Variants in NELL1 observed in about 807,000 individuals in gnomAD.
NELL1 encodes the protein neural EGFL like 1.
Under a neutral mutation model 107.4 loss-of-function variants are expected in NELL1, and 76 were observed. The ratio of observed to expected loss-of-function variants is 0.71; its 90% CI spans 0.59 to 0.86. NELL1 has a LOEUF of 0.86. Among genes scored for constraint, NELL1 ranks in the 40% least tolerant of loss-of-function variants. The probability of loss-of-function intolerance (pLI) is 0.00; values close to 1 mark genes in which losing one functional copy is unlikely to be tolerated. For synonymous variants in NELL1, 353 were observed against 341.2 expected, an observed-to-expected ratio of 1.03 and a Z score of -0.38; for missense variants, 1,024 against 1,005.5, an observed-to-expected ratio of 1.02 and a Z score of -0.25.
At chr11:21,364,826 G>A (rs1851179534) in intron 14 of NELL1, among the ~76,000 whole-genome samples, 1 of 152,148 alleles carries the variant, frequency 6.6e-6, no homozygotes, top group Non-Finnish European at 1.5e-5. Context: ...GAGATGAGAA[G>A]GTGAAGGGGA....
chr11:21,507,257 A>G (rs1055579663), intron 15 of NELL1, among the ~76,000 whole-genome samples: 1 of 152,206 alleles, frequency 6.6e-6, no homozygotes, highest in Non-Finnish European at 1.5e-5. Flanking sequence ...TCATATTAAG[A>G]AAATAATCTT....
intron 3 of NELL1, among the ~76,000 whole-genome samples, chr11:20,794,426 AG>A (rs942072157): frequency 6.6e-6 from 1 of 152,212 alleles, no homozygotes; most frequent in African/African-American, 2.4e-5. Context: ...CTTCATCTCC[AG>A]TTAGAGCTGC....
chr11:20,717,889 A>G (rs1369635052), intron 2 of NELL1, among the ~76,000 whole-genome samples: 3 of 152,222 alleles, frequency 2.0e-5, no homozygotes, highest in Non-Finnish European at 4.4e-5. Context: ...ATGCAAGTGC[A>G]TATGTTGGTG....
chr11:20,686,302 AG>A (rs1012913500), intron 2 of NELL1, among the ~76,000 whole-genome samples: 45 of 152,258 alleles, frequency 3.0e-4, no homozygotes, highest in African/African-American at 1.1e-3. Flanking sequence ...TTTTGGGGCT[AG>A]CCAGCTTTTG....
intron 3 of NELL1, among the ~76,000 whole-genome samples, chr11:20,815,278 C>G (rs187696184): frequency 2.4e-4 from 37 of 151,964 alleles, no homozygotes; most frequent in Admixed American, 1.6e-3. Flanking sequence ...TTAGTAGAGA[C>G]AGATTTGATG....
At chr11:21,485,121 G>C (rs1456592595) in intron 15 of NELL1, among the ~76,000 whole-genome samples, 1 of 152,084 alleles carries the variant, frequency 6.6e-6, no homozygotes. Context: ...ACAGCCTTGA[G>C]ACTAATATAG....
chr11:21,397,307 AT>A (rs1275326981), intron 15 of NELL1, among the ~76,000 whole-genome samples: 2 of 151,596 alleles, frequency 1.3e-5, no homozygotes, highest in Non-Finnish European at 3.0e-5. Context: ...TAGATTCATA[AT>A]TTTTTGGTAC....
chr11:20,806,701 A>G (rs969581881), intron 3 of NELL1, among the ~76,000 whole-genome samples: 1 of 151,926 alleles, frequency 6.6e-6, no homozygotes, highest in African/African-American at 2.4e-5. Flanking sequence ...TATTTTCTAG[A>G]TCTTGTAGGT....
chr11:21,465,331 C>A (rs1013657043), intron 15 of NELL1, among the ~76,000 whole-genome samples: 1 of 151,958 alleles, frequency 6.6e-6, no homozygotes, highest in African/African-American at 2.4e-5. Context: ...ACAAAGTCAC[C>A]CAATTAGTAA....
intron 3 of NELL1, among the ~76,000 whole-genome samples, chr11:20,800,325 A>G (rs1047117869): frequency 2.1e-4 from 32 of 152,224 alleles, no homozygotes; most frequent in African/African-American, 6.0e-4. Flanking sequence ...GCATATAGAC[A>G]TGTCCTTTTC....
intron 14 of NELL1, among the ~76,000 whole-genome samples, chr11:21,319,376 G>A (rs1044834102): frequency 2.7e-5 from 4 of 150,856 alleles, no homozygotes; most frequent in East Asian, 2.0e-4. Flanking sequence ...TTTCAGTACA[G>A]ACAGGTTTTC....
intron 14 of NELL1, among the ~76,000 whole-genome samples, chr11:21,329,228 T>A (rs542848023): frequency 6.6e-6 from 1 of 152,256 alleles, no homozygotes; most frequent in African/African-American, 2.4e-5. Context: ...GCAGTTACCC[T>A]CATGCTGTTC....
intron 12 of NELL1, among the ~76,000 whole-genome samples, chr11:21,080,489 C>G (rs993819974): frequency 3.3e-5 from 5 of 152,020 alleles, no homozygotes; most frequent in African/African-American, 1.2e-4. Context: ...TGGATATAGT[C>G]TCATGTGTGC....
intron 13 of NELL1, chr11:21,169,802 G>A: frequency 4.3e-6 from 6 of 1,381,448 alleles, no homozygotes; most frequent in Non-Finnish European, 6.0e-6. Flanking sequence ...CCGGAGAGTG[G>A]GACAGAATCA....
intron 14 of NELL1, among the ~76,000 whole-genome samples, chr11:21,296,868 C>T (rs1020847283): frequency 3.3e-5 from 5 of 151,154 alleles, no homozygotes; most frequent in African/African-American, 9.7e-5. Context: ...TATTTCTATA[C>T]TAATATATAA....
rs550807671 is a variant in NELL1, at chr11:20,906,252, A to T, written c.604-11930A>T. 4.6e-5 allele frequency among the ~76,000 whole-genome samples: 7 copies of T among 152,258 alleles called. No homozygotes were observed. In the East Asian group the frequency reaches 1.4e-3, roughly 29 times the overall value. ...CTAGATGAAATGGACAAATTCCTAG[A>T]AACACATAACCAACCAGGACTGGAT... On this transcript the variant is annotated intron_variant, in intron 5 of 19. Transcript: ENST00000357134.
At chr11:20,834,564 G>T (rs1848494492) in intron 3 of NELL1, among the ~76,000 whole-genome samples, 1 of 152,006 alleles carries the variant, frequency 6.6e-6, no homozygotes, top group Admixed American at 6.6e-5. Context: ...TTAGCTGGGT[G>T]TGGTGGCGGG....
intron 13 of NELL1, among the ~76,000 whole-genome samples, chr11:21,187,900 G>A (rs1383464378): frequency 9.9e-5 from 15 of 151,838 alleles, no homozygotes; most frequent in Admixed American, 8.5e-4. Flanking sequence ...TTTAGTAGAT[G>A]TATAAACTTG....
At chr11:20,755,865 GTTTTT>G (rs574606148) in intron 2 of NELL1, among the ~76,000 whole-genome samples, 11 of 122,054 alleles carry the variant, frequency 9.0e-5, no homozygotes, top group African/African-American at 3.3e-4. Flanking sequence ...CAGACCTGCG[GTTTTT>G]TTTTTTTTTT....
Sources: allele counts gnomAD v4.1 joint callset (sites outside exome capture counted in the v4.1 genomes callset), GRCh38; gene constraint gnomAD v4.1.1; transcripts MANE v1.5; gene names NCBI Gene and HGNC (gene_info 2026-07-23, HGNC 2026-07-21).